Variants in EPB41L2 observed in about 807,000 individuals in gnomAD.
EPB41L2 encodes band 4.1-like protein 2.
In EPB41L2, 43 loss-of-function variants were observed where a neutral mutation model predicts 113.0. That is an observed-to-expected ratio of 0.38 (90% CI 0.30 to 0.49). The LOEUF (loss-of-function observed/expected upper bound fraction) is 0.49. EPB41L2 is among the 20% of genes least tolerant of loss of function. The probability of loss-of-function intolerance (pLI) is 0.95; values close to 1 mark genes in which losing one functional copy is unlikely to be tolerated. For missense variants in EPB41L2, 1,147 were observed against 1,223.4 expected (o/e 0.94, Z 0.93); for synonymous variants, 442 against 436.7 (o/e 1.01, Z -0.15).
At chr6:130,963,133 C>G (rs1003924066) in intron 1 of EPB41L2, among the ~76,000 whole-genome samples, 31 of 152,136 alleles carry the variant, frequency 2.0e-4, no homozygotes, top group Admixed American at 1.7e-3. Flanking sequence ...CACACATGGC[C>G]CAGTCCTGTG....
At chr6:131,058,695 G>T (rs1798069330) in intron 1 of EPB41L2, among the ~76,000 whole-genome samples, 1 of 152,062 alleles carries the variant, frequency 6.6e-6, no homozygotes, top group Non-Finnish European at 1.5e-5. Context: ...ATACTTTATA[G>T]AAAAAGCTAC....
chr6:130,987,134 G>A (rs1203202079), intron 1 of EPB41L2, among the ~76,000 whole-genome samples: 1 of 152,106 alleles, frequency 6.6e-6, no homozygotes, highest in Admixed American at 6.5e-5. Flanking sequence ...ATCAATTGAT[G>A]GATATTTGGG....
intron 1 of EPB41L2, among the ~76,000 whole-genome samples, chr6:130,979,394 C>A (rs1196611294): frequency 6.7e-6 from 1 of 149,842 alleles, no homozygotes; most frequent in Admixed American, 6.7e-5. Context: ...ACTTGGGAGG[C>A]TGAGACATGA....
chr6:130,986,845 G>A (rs1780675061), intron 1 of EPB41L2, among the ~76,000 whole-genome samples: 4 of 152,214 alleles, frequency 2.6e-5, no homozygotes, highest in Admixed American at 2.6e-4. Context: ...TAAATTTTAT[G>A]TTATATGATT....
At chr6:130,929,115 A>G (rs1433520180) in intron 3 of EPB41L2, among the ~76,000 whole-genome samples, 3 of 152,202 alleles carry the variant, frequency 2.0e-5, no homozygotes, top group African/African-American at 7.2e-5. Flanking sequence ...CTCCACCCTC[A>G]ACGAACTCAA....
chr6:131,016,477 AACACACACACACACACACACACAC>A (rs10584309), intron 1 of EPB41L2, among the ~76,000 whole-genome samples: 7 of 143,434 alleles, frequency 4.9e-5, no homozygotes, highest in African/African-American at 1.0e-4. Context: ...TTAATAAGGA[AACACACACACACACACACACACAC>A]ACACACACAC....
intron 1 of EPB41L2, among the ~76,000 whole-genome samples, chr6:131,048,070 AGAGGTTGCAGTGAGCC>A (rs1461387785): frequency 8.3e-5 from 12 of 144,494 alleles, no homozygotes; most frequent in African/African-American, 3.1e-4. Context: ...TCTGTGGGGC[AGAGGTTGCAGTGAGCC>A]GAGATCGCGC....
chr6:130,863,291 AT>A (rs1458776246), intron 18 of EPB41L2, among the ~76,000 whole-genome samples: 1 of 152,218 alleles, frequency 6.6e-6, no homozygotes, highest in Non-Finnish European at 1.5e-5. Flanking sequence ...GGCTTTCTTC[AT>A]TTTTTGGAAA....
At chr6:131,014,414 G>A (rs531598462) in intron 1 of EPB41L2, among the ~76,000 whole-genome samples, 1 of 152,152 alleles carries the variant, frequency 6.6e-6, no homozygotes, top group East Asian at 1.9e-4. Context: ...TCACAGACTG[G>A]TCATTTATTT....
intron 1 of EPB41L2, among the ~76,000 whole-genome samples, chr6:131,012,002 C>T (rs1787111264): frequency 1.3e-5 from 2 of 152,166 alleles, no homozygotes; most frequent in Non-Finnish European, 2.9e-5. Flanking sequence ...GTCAGGAGTT[C>T]AAGACCAGCC....
Position 130,890,375 on chromosome 6 carries a change from G to T in EPB41L2, c.1579C>A (p.Gln527Lys), listed in dbSNP as rs774745133. ...GGCCTATCTATGAGGGTGCTGGCCT[G>T]GCGGGTCTGTGCTTGGGTGCGGCCA... ...YSGRTQAQTR[Q>K]ASTLIDRPAP... Residue 527 changes from glutamine (Q) to lysine (K), a missense_variant, in exon 11 of 20, where the codon CAG (glutamine) becomes AAG (lysine). Physicochemically the swap from Gln to Lys is moderately conservative, Grantham distance 53 (BLOSUM62 1). Transcript: ENST00000337057. 1.2e-6 allele frequency: 2 copies of T among 1,613,788 alleles called. No individual in the cohort carries two copies. Among genetic ancestry groups the T allele is most frequent in the South Asian group, 2.2e-5 (2 of 91,070 alleles).
intron 1 of EPB41L2, chr6:130,978,904 T>C (rs748837165): frequency 4.6e-5 from 7 of 152,086 alleles, no homozygotes; most frequent in African/African-American, 1.7e-4. Context: ...ACTGGGCTTA[T>C]TATAAGTGGG....
chr6:131,029,903 C>CTT (rs1234856068), intron 1 of EPB41L2, among the ~76,000 whole-genome samples: 5 of 140,052 alleles, frequency 3.6e-5, no homozygotes, highest in Admixed American at 7.1e-5. Context: ...CTCTTTTTTT[C>CTT]TTTTTTTTTT....
intron 1 of EPB41L2, among the ~76,000 whole-genome samples, chr6:130,994,835 A>G (rs1782691705): frequency 6.6e-6 from 1 of 152,218 alleles, no homozygotes; most frequent in Non-Finnish European, 1.5e-5. Flanking sequence ...TCACTGAGAT[A>G]AAAGCGTATC....
intron 4 of EPB41L2, among the ~76,000 whole-genome samples, chr6:130,920,604 T>A (rs999089322): frequency 6.6e-6 from 1 of 152,118 alleles, no homozygotes; most frequent in African/African-American, 2.4e-5. Context: ...CAAGTGATCC[T>A]CCCACCTCAG....
intron 12 of EPB41L2, among the ~76,000 whole-genome samples, chr6:130,884,491 C>A (rs1388304811): frequency 6.6e-6 from 1 of 152,138 alleles, no homozygotes; most frequent in Non-Finnish European, 1.5e-5. Flanking sequence ...CTTCTCAAAT[C>A]AATATTCAAG....
At chr6:130,971,051 C>G (rs1776649378) in intron 1 of EPB41L2, among the ~76,000 whole-genome samples, 1 of 152,108 alleles carries the variant, frequency 6.6e-6, no homozygotes, top group South Asian at 2.1e-4. Context: ...CACTGCCACG[C>G]CCAGCTGATT....
intron 1 of EPB41L2, among the ~76,000 whole-genome samples, chr6:131,034,813 C>T (rs1792963341): frequency 6.6e-6 from 1 of 152,198 alleles, no homozygotes; most frequent in Non-Finnish European, 1.5e-5. Context: ...CCTGTGATCA[C>T]TAAAGAATTA....
intron 1 of EPB41L2, among the ~76,000 whole-genome samples, chr6:130,973,582 T>C (rs1777439672): frequency 2.0e-5 from 3 of 152,210 alleles, no homozygotes; most frequent in Non-Finnish European, 4.4e-5. Flanking sequence ...AAAGTCAAGC[T>C]AGGAACTGCT....
Sources: gnomAD v4.1 joint callset for allele counts (sites outside exome capture counted in the v4.1 genomes callset) on GRCh38, gnomAD v4.1.1 for gene constraint, MANE v1.5 for transcripts, NCBI Gene and HGNC (gene_info 2026-07-23, HGNC 2026-07-21) for gene names.